Variants in CDHR2 observed in about 807,000 individuals in gnomAD.
CDHR2 encodes the protein cadherin related family member 2.
In CDHR2, 104 loss-of-function variants were observed where a neutral mutation model predicts 138.6. The observed-to-expected ratio is 0.75, with a 90% CI of 0.64 to 0.88. The LOEUF (loss-of-function observed/expected upper bound fraction) is 0.88. CDHR2 is among the 40% of genes least tolerant of loss of function. CDHR2 has a pLI of 0.00. For missense variants in CDHR2, 1,624 were observed against 1,727.6 expected, an observed-to-expected ratio of 0.94 and a Z score of 1.06; for synonymous variants, 755 against 742.8, an observed-to-expected ratio of 1.02 and a Z score of -0.27.
chr5:176,588,170 G>A (rs1172011962), intron 21 of CDHR2, among the ~76,000 whole-genome samples: 1 of 151,950 alleles, frequency 6.6e-6, no homozygotes. Context: ...GAGGTGCTTA[G>A]GAAATCTGAG....
chr5:176,554,047 G>A (rs1757767625), intron 1 of CDHR2, among the ~76,000 whole-genome samples: 2 of 152,182 alleles, frequency 1.3e-5, no homozygotes, highest in Non-Finnish European at 2.9e-5. Context: ...TGAGCGGTGG[G>A]GCACATCTGT....
rs868126051 is a variant in CDHR2, at chr5:176,543,120, C to T, written c.-16+351C>T. Among the ~76,000 whole-genome samples the T allele has an allele frequency of 4.0e-4, 60 of 151,422 alleles. No homozygotes were observed. Among genetic ancestry groups the T allele is most frequent in the East Asian group, 2.7e-3 (14 of 5,126 alleles). On this transcript the variant is annotated intron_variant, in intron 1 of 31. Coordinates refer to the CDHR2 transcript ENST00000510636. This position sits in a 1 kb window ranked among gnomAD's most constrained non-coding sequence, Gnocchi z 4.0. ...GCTGCCGGGCCCGGGACTGCGAGCT[C>T]CCGCCGTGCGGGCGCCGGCAGAGGC...
At chr5:176,584,137 T>C in intron 17 of CDHR2, 53 bp from the exon 18 acceptor site, 2 of 1,493,632 alleles carry the variant, frequency 1.3e-6, no homozygotes, top group Non-Finnish European at 1.9e-6. Flanking sequence ...TCGGATTGGC[T>C]CTGGGGAGGG....
chr5:176,566,984 G>T (rs1206447285), intron 3 of CDHR2: 1 of 456,154 alleles, frequency 2.2e-6, no homozygotes, highest in Non-Finnish European at 4.4e-6. Flanking sequence ...GCTGCCAGAT[G>T]AAACAAGAGA....
At chr5:176,585,394 T>A (rs977919056) in intron 19 of CDHR2, among the ~76,000 whole-genome samples, 7 of 152,212 alleles carry the variant, frequency 4.6e-5, no homozygotes, top group Non-Finnish European at 7.3e-5. Context: ...CATTAACAAC[T>A]AGCATATATT....
chr5:176,565,863 G>A (rs1455435217), intron 3 of CDHR2, 120 bp downstream of exon 3: 1 of 705,210 alleles, frequency 1.4e-6, no homozygotes, highest in East Asian at 2.7e-5. Flanking sequence ...GACAAAGAGG[G>A]ACTGAAGGGA....
At chr5:176,557,011 TCTCTC>T (rs1379095693) in intron 1 of CDHR2, among the ~76,000 whole-genome samples, 1 of 35,186 alleles carries the variant, frequency 2.8e-5, no homozygotes, top group East Asian at 1.1e-3. Context: ...TCTCTCTCTC[TCTCTC>T]TTTTTTTTTT....
chr5:176,591,990 G>A (rs1203753906), intron 30 of CDHR2, among the ~76,000 whole-genome samples: 1 of 151,008 alleles, frequency 6.6e-6, no homozygotes, highest in African/African-American at 2.4e-5. Context: ...TGGTGTTGAG[G>A]TGATGGTGGT....
chr5:176,583,993 G>A (rs1561878211), intron 17 of CDHR2, among the ~76,000 whole-genome samples, 197 bp from the exon 18 acceptor site: 1 of 152,154 alleles, frequency 6.6e-6, no homozygotes, highest in African/African-American at 2.4e-5. Flanking sequence ...TCCCACTGTA[G>A]GTCCCTGAAC....
At chr5:176,582,178 G>C (rs935437868) in intron 17 of CDHR2, among the ~76,000 whole-genome samples, 17 of 152,040 alleles carry the variant, frequency 1.1e-4, no homozygotes, top group Admixed American at 4.6e-4. Context: ...ATGCCACCAT[G>C]CCTGGTTAAT....
At chr5:176,548,514 C>T (rs1378271348), upstream of CDHR2, among the ~76,000 whole-genome samples, 4 of 152,124 alleles carry the variant, frequency 2.6e-5, no homozygotes, top group African/African-American at 4.8e-5. Context: ...CCGAGGCAGG[C>T]GGATCGCCTG....
rs1463836452 is a variant in CDHR2 at position 176,585,900 on chromosome 5, C to T, written c.2735-54C>T. The stretch of plus-strand genomic sequence containing the variant: ...GTGGGGCACAGGGTTGAGGCCCAGG[C>T]TCTTTGGGTCAAGCTTTTGCCCAGA... On this transcript the variant is annotated intron_variant, in intron 19 of 31. Transcript: ENST00000261944. 7.2e-6 allele frequency: 10 copies of T among 1,394,370 alleles called. No individual in the cohort carries two copies. In the Middle Eastern group the frequency reaches 5.3e-4, roughly 74 times the overall value. The allele number at this position is 1,394,370 out of a possible 1,614,324, so 86.4% of individuals were successfully genotyped here.
intron 1 of CDHR2, among the ~76,000 whole-genome samples, chr5:176,560,474 C>A (rs1757940622): frequency 6.6e-6 from 1 of 152,066 alleles, no homozygotes; most frequent in Non-Finnish European, 1.5e-5. Context: ...CAGACATAGT[C>A]CTCATCTCTT....
chr5:176,587,994 C>G (rs1427989842), intron 21 of CDHR2, among the ~76,000 whole-genome samples: 4 of 152,156 alleles, frequency 2.6e-5, no homozygotes, highest in Non-Finnish European at 5.9e-5. Flanking sequence ...CTGGTGTTGG[C>G]CTATCCTTAA....
rs977090823 is a variant in CDHR2, at chr5:176,553,793, A to G, written c.-16+4379A>G. 6.6e-6 allele frequency among the ~76,000 whole-genome samples: 1 copy of G among 151,720 alleles called. No homozygotes were observed. The highest frequency in any genetic ancestry group is 1.5e-5 in the Non-Finnish European group (1 of 67,938). On this transcript the variant is annotated intron_variant, in intron 1 of 31. Transcript: ENST00000261944. The surrounding 1 kb of genome is among the most constrained non-coding windows in gnomAD (Gnocchi z 4.3). The stretch of plus-strand genomic sequence containing the variant: ...CGCCACCTGCGTCTCCACCTTCATC[A>G]GCACACACATCATCAGCATGTCCGT...
intron 1 of CDHR2, among the ~76,000 whole-genome samples, chr5:176,562,449 G>A (rs181199263): frequency 6.6e-6 from 1 of 152,054 alleles, no homozygotes; most frequent in Non-Finnish European, 1.5e-5. Flanking sequence ...GGGAGGAGGG[G>A]TGGGCAGTGT....
At chr5:176,546,823 C>T (rs1757594411), upstream of CDHR2, among the ~76,000 whole-genome samples, 1 of 151,626 alleles carries the variant, frequency 6.6e-6, no homozygotes, top group South Asian at 2.1e-4. Context: ...GTCTCTTAAC[C>T]CCTGCATTGT....
chr5:176,581,672 G>A (rs1039276504), intron 17 of CDHR2, 90 bp downstream of exon 17: 2 of 1,524,544 alleles, frequency 1.3e-6, no homozygotes, highest in Non-Finnish European at 1.8e-6. Flanking sequence ...GCCCTCTGCA[G>A]CCAGCCTGCC....
chr5:176,574,008 C>A, intron 6 of CDHR2, 75 bp from the exon 7 acceptor site: 1 of 1,148,804 alleles, frequency 8.7e-7, no homozygotes, highest in Non-Finnish European at 1.3e-6. Flanking sequence ...GACACTGAAG[C>A]TCAGGGGGGC....
Sources: gnomAD v4.1 joint callset for allele counts (sites outside exome capture counted in the v4.1 genomes callset) on GRCh38, gnomAD v4.1.1 for gene constraint, Gnocchi (gnomAD v3.1) non-coding constraint, MANE v1.5 for transcripts, NCBI Gene and HGNC (gene_info 2026-07-23, HGNC 2026-07-21) for gene names.